The following TAS2R1 variants were observed in gnomAD, a reference collection of about 807,000 sequenced individuals.
The protein encoded by TAS2R1 is taste 2 receptor member 1.
For missense variants in TAS2R1, 370 were observed against 353.4 expected, an observed-to-expected ratio of 1.05 and a Z score of -0.38; for synonymous variants, 141 against 134.2, an observed-to-expected ratio of 1.05 and a Z score of -0.35.
the TAS2R1 span, among the ~76,000 whole-genome samples, chr5:9,840,859 T>A: frequency 0.017 from 24 of 1,396 alleles, no homozygotes; most frequent in Non-Finnish European, 0.028. Context: ...ATTTATTTAT[T>A]TTTTTTTTTT....
At chr5:9,844,101 G>A in the TAS2R1 span, among the ~76,000 whole-genome samples, 7,818 of 152,178 alleles carry the variant, frequency 0.051, 282 homozygotes, top group East Asian at 0.18. Flanking sequence ...TCATCTTTGC[G>A]TATTCTACTG....
intron 2 of TAS2R1, among the ~76,000 whole-genome samples, chr5:9,640,587 G>A (rs914333446): frequency 1.3e-5 from 2 of 149,992 alleles, no homozygotes; most frequent in Non-Finnish European, 3.0e-5. Context: ...TTGTAGGGAA[G>A]CCAAGAACTC....
At chr5:9,827,274 T>C in the TAS2R1 span, among the ~76,000 whole-genome samples, 3 of 152,164 alleles carry the variant, frequency 2.0e-5, no homozygotes, top group African/African-American at 7.2e-5. Flanking sequence ...GCAATCCCAA[T>C]CCTCTCAATT....
At chr5:9,898,120 G>A in the TAS2R1 span, among the ~76,000 whole-genome samples, 6 of 152,154 alleles carry the variant, frequency 3.9e-5, no homozygotes, top group African/African-American at 1.4e-4. Context: ...AATTAAGTGG[G>A]CTAATTTTCC....
chr5:9,800,982 A>G, the TAS2R1 span, among the ~76,000 whole-genome samples: 2 of 152,208 alleles, frequency 1.3e-5, no homozygotes, highest in Non-Finnish European at 2.9e-5. Flanking sequence ...ACCTGAGGTC[A>G]GGAGTTTGAG....
At chr5:9,697,490 T>C (rs1741383919) in intron 1 of TAS2R1, among the ~76,000 whole-genome samples, 1 of 152,046 alleles carries the variant, frequency 6.6e-6, no homozygotes, top group South Asian at 2.1e-4. Flanking sequence ...ACAGAATAAA[T>C]TAAAGTTCAA....
At chr5:9,720,049 G>A in the TAS2R1 span, among the ~76,000 whole-genome samples, 1 of 149,160 alleles carries the variant, frequency 6.7e-6, no homozygotes, top group African/African-American at 2.5e-5. Context: ...CCTTTTAAAT[G>A]TGAGTTTCCT....
At chr5:9,741,386 C>A in the TAS2R1 span, among the ~76,000 whole-genome samples, 2 of 152,134 alleles carry the variant, frequency 1.3e-5, no homozygotes, top group South Asian at 4.1e-4. Context: ...TTTTCCATGC[C>A]AAGACATTTT....
At chr5:9,667,013 G>C (rs1740648089) in intron 1 of TAS2R1, among the ~76,000 whole-genome samples, 1 of 152,100 alleles carries the variant, frequency 6.6e-6, no homozygotes, top group Admixed American at 6.5e-5. Context: ...GTCCTTATAT[G>C]AGTATAACAG....
At chr5:9,727,721 G>T in the TAS2R1 span, among the ~76,000 whole-genome samples, 1 of 152,174 alleles carries the variant, frequency 6.6e-6, no homozygotes. Context: ...CAGAGACCTG[G>T]CCCCAGGTAG....
the TAS2R1 span, among the ~76,000 whole-genome samples, chr5:9,811,707 T>C: frequency 1.3e-5 from 2 of 152,174 alleles, no homozygotes; most frequent in African/African-American, 4.8e-5. Flanking sequence ...TCACTCCAAA[T>C]TGATACATTC....
At chr5:9,902,497 T>C in the TAS2R1 span, among the ~76,000 whole-genome samples, 2 of 152,016 alleles carry the variant, frequency 1.3e-5, no homozygotes, top group African/African-American at 4.8e-5. Flanking sequence ...TATAAGGAGC[T>C]TGGAAGTCAC....
chr5:9,678,690 C>G (rs1296287182), intron 1 of TAS2R1, among the ~76,000 whole-genome samples: 1 of 152,106 alleles, frequency 6.6e-6, no homozygotes, highest in East Asian at 1.9e-4. Flanking sequence ...AACAGAAAAT[C>G]AAACACCGCA....
the TAS2R1 span, chr5:9,883,267 C>T: frequency 6.6e-6 from 1 of 152,130 alleles, no homozygotes; most frequent in African/African-American, 2.4e-5. Context: ...ATAGCTAATG[C>T]ATCCTGGGCT....
At chr5:9,880,101 T>C in the TAS2R1 span, among the ~76,000 whole-genome samples, 1 of 152,168 alleles carries the variant, frequency 6.6e-6, no homozygotes, top group Non-Finnish European at 1.5e-5. Flanking sequence ...TTTTAAACAC[T>C]ATTGTGTTTA....
At chr5:9,868,057 G>T in the TAS2R1 span, among the ~76,000 whole-genome samples, 3 of 152,302 alleles carry the variant, frequency 2.0e-5, no homozygotes, top group East Asian at 1.9e-4. Context: ...GCTTAATAGG[G>T]TATAGACCCC....
intron 1 of TAS2R1, among the ~76,000 whole-genome samples, chr5:9,682,913 A>C (rs960003716): frequency 1.3e-5 from 2 of 152,174 alleles, no homozygotes; most frequent in African/African-American, 4.8e-5. Context: ...TTGACTAGAA[A>C]ATTACATAAT....
At chr5:9,704,206 G>A (rs1296399488) in intron 1 of TAS2R1, among the ~76,000 whole-genome samples, 1 of 152,092 alleles carries the variant, frequency 6.6e-6, no homozygotes, top group Non-Finnish European at 1.5e-5. Context: ...TGGACCCCAT[G>A]AGCTTAAGAG....
At chr5:9,679,440 C>T (rs962088911) in intron 1 of TAS2R1, among the ~76,000 whole-genome samples, 8 of 152,096 alleles carry the variant, frequency 5.3e-5, no homozygotes, top group Non-Finnish European at 1.0e-4. Flanking sequence ...ATGTATTAAC[C>T]ACATGGGTAA....
Sources: gnomAD v4.1 joint callset for allele counts (sites outside exome capture counted in the v4.1 genomes callset) on GRCh38, gnomAD v4.1.1 for gene constraint, MANE v1.5 for transcripts, NCBI Gene and HGNC (gene_info 2026-07-23, HGNC 2026-07-21) for gene names.